ZFYVE28: variants seen among roughly 807,000 people sequenced by gnomAD.
ZFYVE28 encodes lateral signaling target protein 2 homolog.
ZFYVE28 carries 40 observed loss-of-function variants against 82.1 expected under a neutral mutation model. The ratio of observed to expected loss-of-function variants is 0.49; its 90% CI spans 0.38 to 0.63. ZFYVE28 has a LOEUF of 0.63. Ranked by LOEUF, ZFYVE28 falls within the 30% of genes least tolerant of loss-of-function variation. The pLI is 0.00. For synonymous variants in ZFYVE28, 612 were observed against 546.1 expected (o/e 1.12, Z -1.68); for missense variants, 1,321 against 1,242.1 (o/e 1.06, Z -0.96).
chr4:2,334,108 G>A (rs994875689), intron 6 of ZFYVE28, among the ~76,000 whole-genome samples: 3 of 152,140 alleles, frequency 2.0e-5, no homozygotes, highest in African/African-American at 7.2e-5. Context: ...TCCCTCTGGC[G>A]CGATGTGAGG....
intron 8 of ZFYVE28, 104 bp from the exon 9 acceptor site, chr4:2,274,320 T>C (rs11248093): frequency 0.57 from 800,118 of 1,402,674 alleles, 232,302 homozygotes; most frequent in African/African-American, 0.8. Flanking sequence ...TCGCAGACGC[T>C]CACCCCACAG....
rs78394775 is a variant in ZFYVE28, at chr4:2,345,602, G to A, written c.181-3987C>T. Among the ~76,000 whole-genome samples the A allele has an allele frequency of 7.6e-3, 1,156 of 151,778 alleles. 17 individuals are homozygous for A. Among genetic ancestry groups the A allele is most frequent in the African/African-American group, 0.026 (1,077 of 41,362 alleles). ...ATGGATGTAATTCAAGTCCCAAAAC[G>A]AGGAGGAATGAGATAGAAAAAAATA... On this transcript the variant is annotated intron_variant, in intron 2 of 12. Coordinates refer to ENST00000290974, the MANE Select transcript of ZFYVE28 (RefSeq NM_020972.3).
In ZFYVE28 at chr4:2,327,306, A is replaced by C. The variant is rs954395546; in HGVS notation, c.702-7035T>G. 5.5e-4 allele frequency among the ~76,000 whole-genome samples: 36 copies of C among 64,976 alleles called. 1 individual carries two copies. The South Asian group carries it at 0.017, about 32-fold the overall frequency. The allele number at this position is 64,976 out of a possible 152,430, so 42.6% of individuals were successfully genotyped here. A position where few individuals can be genotyped will look rare whatever the true frequency, so the allele number is the denominator to read the frequency against. ...TATATATATATATATATATATATAT[A>C]TATCGAATAAAGTTGCCATCAAACA... On this transcript the variant is annotated intron_variant, in intron 6 of 12. Coordinates refer to ENST00000290974, the MANE Select transcript of ZFYVE28 (RefSeq NM_020972.3).
chr4:2,270,491 C>G lies in ZFYVE28; in HGVS notation c.*234G>C, dbSNP rs1735811631. On this transcript the variant is annotated 3_prime_UTR_variant, in exon 13 of 13. Transcript: ENST00000290974. ...CTGCCCTGAGGCAGCCACCAGGCTC[C>G]TCCGGGTCCCCTGCTGGGCAAAGCT... The G allele has an allele frequency of 1.7e-6, 1 of 600,984 alleles. No homozygotes were observed. Among genetic ancestry groups the G allele is most frequent in the Non-Finnish European group, 2.9e-6 (1 of 348,500 alleles). 37.2% of individuals were successfully genotyped at this position (600,984 alleles called of 1,614,324 possible). A position where few individuals can be genotyped will look rare whatever the true frequency, so the allele number is the denominator to read the frequency against.
chr4:2,353,109 A>T (rs1724718959), intron 2 of ZFYVE28, among the ~76,000 whole-genome samples: 1 of 152,214 alleles, frequency 6.6e-6, no homozygotes, highest in Non-Finnish European at 1.5e-5. Context: ...AACAGCCCAA[A>T]AAAGAGCCCA....
chr4:2,279,424 C>T (rs190694479), intron 8 of ZFYVE28, among the ~76,000 whole-genome samples: 11 of 151,926 alleles, frequency 7.2e-5, no homozygotes, highest in East Asian at 3.9e-4. Flanking sequence ...AGCGAGACTC[C>T]GTCTAAAAAA....
intron 1 of ZFYVE28, among the ~76,000 whole-genome samples, chr4:2,371,691 C>G (rs2239718): frequency 0.67 from 101,297 of 151,778 alleles, 34,109 homozygotes; most frequent in East Asian, 0.8. Context: ...CAAAAGAGTA[C>G]AAAGACTCCC....
intron 1 of ZFYVE28, among the ~76,000 whole-genome samples, chr4:2,382,809 T>A (rs1023245501): frequency 6.6e-6 from 1 of 151,976 alleles, no homozygotes; most frequent in Non-Finnish European, 1.5e-5. Flanking sequence ...GAAAAAGAGG[T>A]TTAATTGGAC....
chr4:2,344,306 G>T (rs1723209353), intron 2 of ZFYVE28, among the ~76,000 whole-genome samples: 1 of 152,200 alleles, frequency 6.6e-6, no homozygotes, highest in Non-Finnish European at 1.5e-5. Flanking sequence ...AGACGCACCT[G>T]AATGATTTGA....
intron 8 of ZFYVE28, among the ~76,000 whole-genome samples, chr4:2,299,889 T>C (rs949158070): frequency 3.9e-5 from 6 of 152,062 alleles, no homozygotes; most frequent in African/African-American, 1.4e-4. Flanking sequence ...CTCCACCTTC[T>C]GGGCTCAAGT....
chr4:2,373,334 A>G (rs1479222949), intron 1 of ZFYVE28, among the ~76,000 whole-genome samples: 3 of 152,046 alleles, frequency 2.0e-5, no homozygotes, highest in Non-Finnish European at 4.4e-5. Flanking sequence ...CTACATCTCT[A>G]CAAAAAATTT....
chr4:2,398,542 G>A (rs1213176150), intron 1 of ZFYVE28, among the ~76,000 whole-genome samples: 1 of 152,176 alleles, frequency 6.6e-6, no homozygotes, highest in Non-Finnish European at 1.5e-5. Flanking sequence ...TCTTGAGAAG[G>A]AAAATAGGTG....
At position 2,332,457 on chromosome 4, in the gene ZFYVE28, G is replaced by A. The variant is rs1460387533; in HGVS notation, c.701+3248C>T. On this transcript the variant is annotated intron_variant, in intron 6 of 12. Coordinates refer to ENST00000290974, the MANE Select transcript of ZFYVE28 (RefSeq NM_020972.3). This position sits in a 1 kb window ranked among gnomAD's most constrained non-coding sequence, Gnocchi z 4.7. The stretch of plus-strand genomic sequence containing the variant: ...CTGCCCTGGGGAGCCTCTCCCTCAC[G>A]CCTTCAGCTCCTGTCCACCCCATGG... Among the ~76,000 whole-genome samples, 1 of 152,112 alleles carries A rather than the reference G, an allele frequency of 6.6e-6. No homozygotes were observed. The highest frequency in any genetic ancestry group is 6.5e-5 in the Admixed American group (1 of 15,274).
Position 2,339,580 on chromosome 4 carries a change from T to A in ZFYVE28, c.394A>T (p.Thr132Ser). 1 of 1,612,610 alleles carries A rather than the reference T, an allele frequency of 6.2e-7. No individual in the cohort carries two copies. Among genetic ancestry groups the A allele is most frequent in the Non-Finnish European group, 8.5e-7 (1 of 1,179,664 alleles). ...MAMRPLAKEL[T>S]RSLEDVRGAL... ...CCCCGCACGTCCTCCAGGCTGCGCG[T>A]CAGCTCCTTGGCCAGCGGGCGCATG... is the stretch of plus-strand genomic sequence containing the variant. The change falls in exon 4 of 13, where the codon ACG becomes TCG. Residue 132 changes from threonine to serine, a missense_variant. Coordinates refer to ENST00000290974, the MANE Select transcript of ZFYVE28 (RefSeq NM_020972.3). This position sits in a 1 kb window ranked among gnomAD's most constrained non-coding sequence, Gnocchi z 5.0.
At chr4:2,368,998 G>C (rs1727209096) in intron 1 of ZFYVE28, among the ~76,000 whole-genome samples, 1 of 152,186 alleles carries the variant, frequency 6.6e-6, no homozygotes. Flanking sequence ...TGACTTTTGA[G>C]TTCTAACCAC....
chr4:2,294,640 T>C (rs1056168013), intron 8 of ZFYVE28, among the ~76,000 whole-genome samples: 5 of 152,198 alleles, frequency 3.3e-5, no homozygotes, highest in African/African-American at 1.2e-4. Flanking sequence ...CAAAAGATAC[T>C]GTTAGAATGA....
At position 2,354,021 on chromosome 4, in the gene ZFYVE28, T is replaced by C; in HGVS notation, c.92A>G (p.Asn31Ser). 1 of 1,577,852 alleles carries C rather than the reference T, an allele frequency of 6.3e-7. No homozygotes were observed. Among genetic ancestry groups the C allele is most frequent in the South Asian group, 1.2e-5 (1 of 85,548 alleles). ...GCTGTCCAGCTCCGCGGCCACCTGG[T>C]TCAGCTCCTCGTCGGCATAGTAGAA... ...ARFYYADEELNQVAAELDSLD... is the reference protein window; with the variant it reads ...ARFYYADEELSQVAAELDSLD... Residue 31 changes from asparagine (N) to serine (S), a missense_variant, in exon 2 of 13, where the codon AAC becomes AGC. By Grantham distance (46) the Asn-to-Ser change is conservative. This residue lies in a region of ZFYVE28 where 343 missense variants were observed against 408.4 expected (regional missense o/e 0.84). Transcript: ENST00000290974.
At chr4:2,313,460 G>T (rs1717778382) in intron 7 of ZFYVE28, among the ~76,000 whole-genome samples, 1 of 152,038 alleles carries the variant, frequency 6.6e-6, no homozygotes, top group South Asian at 2.1e-4. Flanking sequence ...GTTTCGTCAT[G>T]TTGCCTGGGC....
intron 6 of ZFYVE28, among the ~76,000 whole-genome samples, chr4:2,331,209 G>A (rs755245703): frequency 2.2e-4 from 33 of 152,004 alleles, no homozygotes; most frequent in Non-Finnish European, 3.7e-4. Flanking sequence ...TCCGGTCTGG[G>A]AAGCGTCGCA....
Sources: gnomAD v4.1 joint callset for allele counts (sites outside exome capture counted in the v4.1 genomes callset) on GRCh38, gnomAD v4.1.1 for gene constraint, gnomAD v4.1.1 regional missense constraint, Gnocchi (gnomAD v3.1) non-coding constraint, MANE v1.5 for transcripts, NCBI Gene and HGNC (gene_info 2026-07-23, HGNC 2026-07-21) for gene names.